Variants in CHRDL1 observed in about 807,000 individuals in gnomAD.
CHRDL1 encodes the protein chordin like 1, also known as chordin-like protein 1.
Under a neutral mutation model 40.9 loss-of-function variants are expected in CHRDL1, and 19 were observed. The observed-to-expected ratio is 0.46, with a 90% CI of 0.32 to 0.68. CHRDL1 has a LOEUF of 0.68. Ranked by LOEUF, CHRDL1 falls within the 30% of genes least tolerant of loss-of-function variation. The pLI, the probability that CHRDL1 is intolerant of heterozygous loss-of-function variation, is 0.03. For missense variants in CHRDL1, 329 were observed against 352.1 expected (o/e 0.93, Z 0.53); for synonymous variants, 136 against 123.4 (o/e 1.10, Z -0.68).
chrX:110,713,312 G>C (rs2070778121), intron 6 of CHRDL1, among the ~76,000 whole-genome samples: 1 of 111,933 alleles, frequency 8.9e-6, no homozygotes, highest in South Asian at 3.8e-4. Context: ...GTTCACCATT[G>C]TATCTCTAGC....
At chrX:110,681,316 T>C (rs752506333) in intron 10 of CHRDL1, among the ~76,000 whole-genome samples, 166 bp downstream of exon 10, 4 of 112,187 alleles carry the variant, frequency 3.6e-5, no homozygotes, top group Non-Finnish European at 7.5e-5. Context: ...CATCGTTAAA[T>C]TTGAAAGGCC....
At chrX:110,728,588 T>C (rs2071100062) in intron 4 of CHRDL1, among the ~76,000 whole-genome samples, 1 of 111,919 alleles carries the variant, frequency 8.9e-6, no homozygotes, top group African/African-American at 3.2e-5. Context: ...CCCGTCCATC[T>C]GGGCAAAGTG....
Position 110,688,592 on chromosome X carries a change from AC to A in CHRDL1, c.988+1del, listed in dbSNP as rs755560005. On this transcript the variant is annotated splice_donor_variant, in intron 9 of 11. Transcript: ENST00000372042. LOFTEE classifies it high-confidence loss of function. The stretch of plus-strand genomic sequence containing the variant: ...CAAAAGCAGGGCCTCCAACCAACGC[AC>A]CTTTTGCTTTTTTACCTGGACACAC... 27 of 1,201,745 alleles carry A rather than the reference AC, an allele frequency of 2.2e-5. No homozygotes were observed. In the South Asian group the frequency reaches 4.6e-4, roughly 20 times the overall value.
rs1345204468 is a variant in CHRDL1 at position 110,744,994 on chromosome X, C to CAA, written c.301+14666_301+14667insTT. 4.7e-3 allele frequency among the ~76,000 whole-genome samples: 450 copies of CAA among 95,552 alleles called. 5 individuals are homozygous for CAA. Among genetic ancestry groups the CAA allele is most frequent in the African/African-American group, 0.025 (424 of 17,299 alleles). The allele number at this position is 95,552 out of a possible 115,157, so 83.0% of individuals were successfully genotyped here. On this transcript the variant is annotated intron_variant, in intron 4 of 11. Transcript: ENST00000372042. Reference sequence around the variant, plus strand: ...ACACACACACACACACACACACACACATACATACCACACAATGTCACCCAC... The same window carrying CAA: ...ACACACACACACACACACACACACACAAATACATACCACACAATGTCACCCAC...
intron 4 of CHRDL1, among the ~76,000 whole-genome samples, chrX:110,750,916 C>G (rs1344560408): frequency 8.9e-6 from 1 of 111,885 alleles, no homozygotes; most frequent in Non-Finnish European, 1.9e-5. Flanking sequence ...GCTCCATTAT[C>G]AGCGAAACAA....
At chrX:110,681,099 A>C (rs1018777679) in intron 10 of CHRDL1, among the ~76,000 whole-genome samples, 1 of 111,691 alleles carries the variant, frequency 9.0e-6, no homozygotes, top group Non-Finnish European at 1.9e-5. Context: ...CATTATGAAC[A>C]AACACTGATG....
intron 9 of CHRDL1, among the ~76,000 whole-genome samples, chrX:110,683,396 G>T (rs1467320273): frequency 8.9e-6 from 1 of 112,138 alleles, no homozygotes; most frequent in Non-Finnish European, 1.9e-5. Flanking sequence ...TGTGCTTGAT[G>T]TCATTTCTGG....
Position 110,731,499 on chromosome X carries a change from CA to C in CHRDL1, c.302-9970del, listed in dbSNP as rs777481051. Among the ~76,000 whole-genome samples the C allele has an allele frequency of 4.5e-5, 5 of 110,612 alleles. No individual in the cohort carries two copies. In the South Asian group the frequency reaches 1.9e-3, roughly 43 times the overall value. On this transcript the variant is annotated intron_variant, in intron 4 of 11. Coordinates refer to ENST00000372042, the MANE Select transcript of CHRDL1 (RefSeq NM_001143981.2). Reference sequence around the variant, plus strand: ...CCAATTCCACTCCCAGGTATATACACAAAAAAATTGAAAGAAGGAACTGAAA... The same window carrying C: ...CCAATTCCACTCCCAGGTATATACACAAAAAATTGAAAGAAGGAACTGAAA...
intron 2 of CHRDL1, among the ~76,000 whole-genome samples, chrX:110,777,906 T>C (rs1048971473): frequency 2.7e-5 from 3 of 111,335 alleles, no homozygotes; most frequent in Non-Finnish European, 3.8e-5. Flanking sequence ...TGGTGTTGTA[T>C]CTAAAAAGTA....
chrX:110,775,424 G>T (rs868740937), intron 2 of CHRDL1, among the ~76,000 whole-genome samples: 5 of 109,121 alleles, frequency 4.6e-5, no homozygotes, highest in African/African-American at 1.7e-4. Context: ...GACTTGAAGG[G>T]ACAAATTGTT....
At position 110,676,075 on chromosome X, in the gene CHRDL1, C is replaced by G; in HGVS notation, c.*156G>C. On this transcript the variant is annotated 3_prime_UTR_variant, in exon 12 of 12. Transcript: ENST00000372042. Reference sequence around the variant, plus strand: ...ATGTTCAAGGGCTGACACACCACTCCACACAAAGGAGCAAATTATGCTGTG... The same window carrying G: ...ATGTTCAAGGGCTGACACACCACTCGACACAAAGGAGCAAATTATGCTGTG... 2 of 484,019 alleles carry G rather than the reference C, an allele frequency of 4.1e-6. No individual in the cohort carries two copies. Among genetic ancestry groups the G allele is most frequent in the Non-Finnish European group, 6.7e-6 (2 of 296,918 alleles). The allele number at this position is 484,019 out of a possible 1,213,427, so 39.9% of individuals were successfully genotyped here. A position where few individuals can be genotyped will look rare whatever the true frequency, so the allele number is the denominator to read the frequency against.
chrX:110,761,005 G>A (rs990661550), intron 3 of CHRDL1, among the ~76,000 whole-genome samples: 1 of 111,218 alleles, frequency 9.0e-6, no homozygotes, highest in Middle Eastern at 4.6e-3. Context: ...TAATAATAAC[G>A]ATGATGATGA....
chrX:110,721,237 T>C (rs1430595634), intron 5 of CHRDL1, 148 bp downstream of exon 5: 1 of 574,844 alleles, frequency 1.7e-6, no homozygotes, highest in Non-Finnish European at 2.8e-6. Context: ...GATCAGGGAG[T>C]TTGGATTGTC....
intron 4 of CHRDL1, among the ~76,000 whole-genome samples, 188 bp downstream of exon 4, chrX:110,759,473 T>A (rs1337790076): frequency 8.9e-6 from 1 of 112,356 alleles, no homozygotes; most frequent in Admixed American, 9.4e-5. Context: ...CCCAATAACT[T>A]ATTAGAGCCT....
chrX:110,721,638 A>G lies in CHRDL1; in HGVS notation c.302-108T>C, dbSNP rs2070955885. The G allele has an allele frequency of 8.2e-6, 5 of 608,593 alleles. No individual in the cohort carries two copies. The East Asian group carries it at 1.6e-4, about 20-fold the overall frequency. 50.2% of individuals were successfully genotyped at this position (608,593 alleles called of 1,213,427 possible). On this transcript the variant is annotated intron_variant, in intron 4 of 11. Coordinates refer to ENST00000372042, the MANE Select transcript of CHRDL1 (RefSeq NM_001143981.2). Reference sequence around the variant, plus strand: ...TACTACATAGAGGGAGTTTTAAGACAGTCCCCGCTCCAGTGACCAATGATT... The same window carrying G: ...TACTACATAGAGGGAGTTTTAAGACGGTCCCCGCTCCAGTGACCAATGATT...
chrX:110,722,830 G>C (rs757647570), intron 4 of CHRDL1, among the ~76,000 whole-genome samples: 5 of 111,840 alleles, frequency 4.5e-5, no homozygotes, highest in African/African-American at 1.6e-4. Context: ...AATCAGGGGA[G>C]CTGTGTGTTT....
chrX:110,761,857 A>G (rs1175661466), intron 3 of CHRDL1, among the ~76,000 whole-genome samples: 1 of 112,417 alleles, frequency 8.9e-6, no homozygotes, highest in Non-Finnish European at 1.9e-5. Flanking sequence ...GCCAACCAAA[A>G]TCCTTTCTAA....
chrX:110,755,470 T>G (rs903388953), intron 4 of CHRDL1, among the ~76,000 whole-genome samples: 10 of 111,240 alleles, frequency 9.0e-5, no homozygotes, highest in African/African-American at 1.6e-4. Flanking sequence ...GCAAGAGCCA[T>G]GGGAAATACA....
chrX:110,713,508 T>C (rs1331567762), intron 6 of CHRDL1, among the ~76,000 whole-genome samples: 1 of 111,978 alleles, frequency 8.9e-6, no homozygotes, highest in Admixed American at 9.5e-5. Context: ...CAATGTGCCA[T>C]GCATGTCCCG....
Sources: allele counts gnomAD v4.1 joint callset (sites outside exome capture counted in the v4.1 genomes callset), GRCh38; gene constraint gnomAD v4.1.1; transcripts MANE v1.5; gene names NCBI Gene and HGNC (gene_info 2026-07-23, HGNC 2026-07-21).